CLDND2: variants seen among roughly 807,000 people sequenced by gnomAD.
CLDND2 encodes claudin domain-containing protein 2.
CLDND2 carries 18 observed loss-of-function variants against 17.7 expected under a neutral mutation model. The ratio of observed to expected loss-of-function variants is 1.02; its 90% CI spans 0.70 to 1.51. CLDND2 has a LOEUF of 1.51. Among genes scored for constraint, CLDND2 ranks in the 40% most tolerant of loss-of-function variants. CLDND2 has a pLI of 0.00. For synonymous variants in CLDND2, 113 were observed against 93.0 expected, an observed-to-expected ratio of 1.22 and a Z score of -1.24; for missense variants, 233 against 219.6, an observed-to-expected ratio of 1.06 and a Z score of -0.39.
Position 51,367,987 on chromosome 19 carries a change from A to T in CLDND2, c.209T>A (p.Val70Glu), listed in dbSNP as rs1343062109. 1 of 1,610,214 alleles carries T rather than the reference A, an allele frequency of 6.2e-7. No homozygotes were observed. Among genetic ancestry groups the T allele is most frequent in the African/African-American group, 1.3e-5 (1 of 74,746 alleles). Residue 70 changes from valine (V) to glutamate (E), a missense_variant, in exon 2 of 4, where the codon GTG becomes GAG. Physicochemically the swap from Val to Glu is moderately radical, Grantham distance 121 (BLOSUM62 -2). Coordinates refer to ENST00000291715, the MANE Select transcript of CLDND2 (RefSeq NM_152353.3). This position sits in a 1 kb window ranked among gnomAD's most constrained non-coding sequence, Gnocchi z 7.4. ...CACCATGCCCACCACGCCGACACCC[A>T]CCGCCAGCACCATGCACGCCACAGT... is the stretch of plus-strand genomic sequence containing the variant. ...AVTVACMVLA[V>E]GVGVVGMVMG...
chr19:51,367,582 C>T lies in CLDND2; in HGVS notation c.311-6G>A. ...GGCGGTCAGCAGCAGCAGTCCTGGG[C>T]CCCGCCCAGCCGCAAGATGAGCTAG... On this transcript the variant is annotated splice_polypyrimidine_tract_variant and splice_region_variant and intron_variant, in intron 2 of 3. Coordinates refer to ENST00000291715, the MANE Select transcript of CLDND2 (RefSeq NM_152353.3). The surrounding 1 kb of genome is among the most constrained non-coding windows in gnomAD (Gnocchi z 7.4). The T allele has an allele frequency of 1.2e-6, 2 of 1,609,626 alleles. No individual in the cohort carries two copies. Among genetic ancestry groups the T allele is most frequent in the Non-Finnish European group, 1.7e-6 (2 of 1,178,118 alleles).
rs778195808 is a variant in CLDND2 at position 51,367,475 on chromosome 19, G to A, written c.412C>T (p.Pro138Ser). The change falls in exon 3 of 4, where the codon CCC (proline) becomes TCC (serine). Residue 138 changes from proline to serine, a missense_variant. Pro to Ser is a moderately conservative substitution (Grantham distance 74). Transcript: ENST00000291715. This position sits in a 1 kb window ranked among gnomAD's most constrained non-coding sequence, Gnocchi z 7.4. ...WSYFSGWLAL[P>S]FSILAGFCFL... ...AGTTTACCCGCGAGAATTGAGAAGG[G>A]TAAGGCCAGCCACCCAGAAAAATAG... 1.9e-6 allele frequency: 3 copies of A among 1,602,330 alleles called. No homozygotes were observed. The highest frequency in any genetic ancestry group is 1.7e-5 in the Admixed American group (1 of 58,182).
chr19:51,368,133 C>T, intron 1 of CLDND2, 107 bp from the exon 2 acceptor site: 3 of 1,282,176 alleles, frequency 2.3e-6, no homozygotes, highest in Non-Finnish European at 3.2e-6. Flanking sequence ...GGTGTGTGGC[C>T]AGGAGCCGAG....
In CLDND2 at chr19:51,367,299, G is replaced by C. The variant is rs1208481925; in HGVS notation, c.431-84C>G. 11 of 1,463,868 alleles carry C rather than the reference G, an allele frequency of 7.5e-6. No homozygotes were observed. Among genetic ancestry groups the C allele is most frequent in the Non-Finnish European group, 1.0e-5 (11 of 1,051,538 alleles). 90.7% of individuals were successfully genotyped at this position (1,463,868 alleles called of 1,614,324 possible). A position where few individuals can be genotyped will look rare whatever the true frequency, so the allele number is the denominator to read the frequency against. Reference sequence around the variant, plus strand: ...GGAGGGCCCCGGGGACTGGGGTTTGGGGCTCCAAGGGGGTCTCTGCCGGGT... The same window carrying C: ...GGAGGGCCCCGGGGACTGGGGTTTGCGGCTCCAAGGGGGTCTCTGCCGGGT... On this transcript the variant is annotated intron_variant, in intron 3 of 3. Coordinates refer to ENST00000291715, the MANE Select transcript of CLDND2 (RefSeq NM_152353.3). The surrounding 1 kb of genome is among the most constrained non-coding windows in gnomAD (Gnocchi z 7.4).
chr19:51,366,978 G>A (rs535975106), downstream of CLDND2: 1 of 664,496 alleles, frequency 1.5e-6, no homozygotes, highest in African/African-American at 1.8e-5. Flanking sequence ...GTGTCTCCAT[G>A]TCTGTGTCTC....
chr19:51,368,633 A>C lies in CLDND2; in HGVS notation c.-56T>G. On this transcript the variant is annotated 5_prime_UTR_variant, in exon 1 of 4. Coordinates refer to ENST00000291715, the MANE Select transcript of CLDND2 (RefSeq NM_152353.3). ...GGCAGGATGGGCCCAGGCCTTTCCTACCCCGAGGCCCCCAGCTGAGGAGCC... is the reference window on the plus strand; with the variant it reads ...GGCAGGATGGGCCCAGGCCTTTCCTCCCCCGAGGCCCCCAGCTGAGGAGCC... 6.7e-7 allele frequency: 1 copy of C among 1,502,892 alleles called. No homozygotes were observed. Among genetic ancestry groups the C allele is most frequent in the Non-Finnish European group, 9.0e-7 (1 of 1,108,294 alleles). 93.1% of individuals were successfully genotyped at this position (1,502,892 alleles called of 1,614,324 possible). A position where few individuals can be genotyped will look rare whatever the true frequency, so the allele number is the denominator to read the frequency against.
At position 51,368,704 on chromosome 19, in the gene CLDND2, G is replaced by T; in HGVS notation, c.-127C>A. On this transcript the variant is annotated 5_prime_UTR_variant, in exon 1 of 4. Coordinates refer to ENST00000291715, the MANE Select transcript of CLDND2 (RefSeq NM_152353.3). ...CCTGGTACTCCTGCCTGAGGTCCCTGCTTCTGGGGACCTGGAGACCCCCCT... is the reference window on the plus strand; with the variant it reads ...CCTGGTACTCCTGCCTGAGGTCCCTTCTTCTGGGGACCTGGAGACCCCCCT... 1.2e-6 allele frequency: 1 copy of T among 807,994 alleles called. No individual in the cohort carries two copies. The highest frequency in any genetic ancestry group is 1.9e-6 in the Non-Finnish European group (1 of 529,144). The allele number at this position is 807,994 out of a possible 1,614,324, so 50.1% of individuals were successfully genotyped here. A position where few individuals can be genotyped will look rare whatever the true frequency, so the allele number is the denominator to read the frequency against.
Position 51,367,680 on chromosome 19 carries a change from G to T in CLDND2, c.311-104C>A, listed in dbSNP as rs1292899734. The T allele has an allele frequency of 1.3e-6, 2 of 1,500,622 alleles. No individual in the cohort carries two copies. The highest frequency in any genetic ancestry group is 1.8e-6 in the Non-Finnish European group (2 of 1,124,402). 93.0% of individuals were successfully genotyped at this position (1,500,622 alleles called of 1,614,324 possible). A position where few individuals can be genotyped will look rare whatever the true frequency, so the allele number is the denominator to read the frequency against. On this transcript the variant is annotated intron_variant, in intron 2 of 3. Transcript: ENST00000291715. The surrounding 1 kb of genome is among the most constrained non-coding windows in gnomAD (Gnocchi z 7.4). ...CCCCTTCTATCAGACCACGCCTATC[G>T]CCTCTCAGCCCGCCCCTGGCCCAGG...
downstream of CLDND2, chr19:51,367,074 C>T (rs1986417001): frequency 2.6e-6 from 4 of 1,517,436 alleles, no homozygotes; most frequent in Admixed American, 3.3e-5. This position sits in a 1 kb window ranked among gnomAD's most constrained non-coding sequence, Gnocchi z 7.4. Flanking sequence ...CCACGACCCG[C>T]AGAAAAGCAC....
chr19:51,368,898 A>G lies in CLDND2; in HGVS notation c.-321T>C, dbSNP rs1429573240. ...TCCCCCGACAGCCGAACGCCCTTTC[A>G]GCCCAGCCTGTTCAATGTCCTCCCC... On this transcript the variant is annotated 5_prime_UTR_variant, in exon 1 of 4. Transcript: ENST00000291715. 4.4e-5 allele frequency: 12 copies of G among 274,576 alleles called. No individual in the cohort carries two copies. Among genetic ancestry groups the G allele is most frequent in the Admixed American group, 1.5e-4 (3 of 20,186 alleles). 17.0% of individuals were successfully genotyped at this position (274,576 alleles called of 1,614,324 possible).
In CLDND2 at chr19:51,368,908, G is replaced by T; in HGVS notation, c.-331C>A. ...GCCGAACGCCCTTTCAGCCCAGCCT[G>T]TTCAATGTCCTCCCCAGACACCCCT... On this transcript the variant is annotated 5_prime_UTR_variant, in exon 1 of 4. Transcript: ENST00000291715. The T allele has an allele frequency of 8.0e-6, 2 of 250,728 alleles. No homozygotes were observed. The highest frequency in any genetic ancestry group is 1.6e-5 in the Non-Finnish European group (2 of 128,420). The allele number at this position is 250,728 out of a possible 1,614,324, so 15.5% of individuals were successfully genotyped here.
Position 51,367,911 on chromosome 19 carries a change from G to T in CLDND2, c.285C>A (p.Thr95=). 1.2e-6 allele frequency: 2 copies of T among 1,612,372 alleles called. No homozygotes were observed. The highest frequency in any genetic ancestry group is 1.7e-5 in the Admixed American group (1 of 59,970). ...CGCCGAGGAAGAGGAAGGCGCTCGT[G>T]GTCTGGCCCCGCAGCGACTCGCCCT... ...CDEGESLRGQ[T]TSAFLFLGGL... is the part of the protein sequence containing the mutation. Residue 95 remains threonine (T), a synonymous_variant, in exon 2 of 4, where the codon ACC becomes ACA. Transcript: ENST00000291715. This position sits in a 1 kb window ranked among gnomAD's most constrained non-coding sequence, Gnocchi z 7.4.
chr19:51,368,201 G>A (rs1986512787), intron 1 of CLDND2, 175 bp from the exon 2 acceptor site: 2 of 867,734 alleles, frequency 2.3e-6, no homozygotes, highest in African/African-American at 1.7e-5. Flanking sequence ...ATCAGGACCT[G>A]CGGTTACTGC....
chr19:51,366,891 C>T (rs1244091986), downstream of CLDND2, among the ~76,000 whole-genome samples: 2 of 152,102 alleles, frequency 1.3e-5, no homozygotes, highest in Non-Finnish European at 2.9e-5. Context: ...TCTCCACACC[C>T]TCTCCAAAGG....
Position 51,368,594 on chromosome 19 carries a change from C to T in CLDND2, c.-17G>A. Reference sequence around the variant, plus strand: ...CACCCCCATGCCACTGAGGCTGCAGCCGGGGGCCACAAGGGCAGGATGGGC... The same window carrying T: ...CACCCCCATGCCACTGAGGCTGCAGTCGGGGGCCACAAGGGCAGGATGGGC... On this transcript the variant is annotated 5_prime_UTR_variant, in exon 1 of 4. Transcript: ENST00000291715. 1 of 1,608,354 alleles carries T rather than the reference C, an allele frequency of 6.2e-7. No individual in the cohort carries two copies. The highest frequency in any genetic ancestry group is 2.2e-5 in the East Asian group (1 of 44,742).
At position 51,368,892 on chromosome 19, in the gene CLDND2, C is replaced by G; in HGVS notation, c.-315G>C. ...GAGACCTCCCCCGACAGCCGAACGC[C>G]CTTTCAGCCCAGCCTGTTCAATGTC... is the stretch of plus-strand genomic sequence containing the variant. On this transcript the variant is annotated 5_prime_UTR_variant, in exon 1 of 4. Coordinates refer to ENST00000291715, the MANE Select transcript of CLDND2 (RefSeq NM_152353.3). 1 of 290,446 alleles carries G rather than the reference C, an allele frequency of 3.4e-6. No homozygotes were observed. Among genetic ancestry groups the G allele is most frequent in the Admixed American group, 4.8e-5 (1 of 20,690 alleles). 18.0% of individuals were successfully genotyped at this position (290,446 alleles called of 1,614,324 possible). A position where few individuals can be genotyped will look rare whatever the true frequency, so the allele number is the denominator to read the frequency against.
chr19:51,367,318 G>T lies in CLDND2; in HGVS notation c.431-103C>A. 2 of 1,410,864 alleles carry T rather than the reference G, an allele frequency of 1.4e-6. No homozygotes were observed. The highest frequency in any genetic ancestry group is 2.0e-6 in the Non-Finnish European group (2 of 1,009,408). The allele number at this position is 1,410,864 out of a possible 1,614,324, so 87.4% of individuals were successfully genotyped here. On this transcript the variant is annotated intron_variant, in intron 3 of 3. Transcript: ENST00000291715. This position sits in a 1 kb window ranked among gnomAD's most constrained non-coding sequence, Gnocchi z 7.4. ...GGTTTGGGGCTCCAAGGGGGTCTCT[G>T]CCGGGTCTGCGGGAGTCGTTAGTGT...
chr19:51,368,489 T>C lies in CLDND2; in HGVS notation c.89A>G (p.Tyr30Cys). 1 of 1,614,028 alleles carries C rather than the reference T, an allele frequency of 6.2e-7. No homozygotes were observed. Among genetic ancestry groups the C allele is most frequent in the Non-Finnish European group, 8.5e-7 (1 of 1,179,988 alleles). ...VLMVLSTATN[Y>C]WTRQQEGHSG... The stretch of plus-strand genomic sequence containing the variant: ...GTGGCCCTCTTGTTGGCGGGTCCAG[T>C]AGTTGGTGGCCGTGGAGAGCACCAT... Residue 30 changes from tyrosine to cysteine, a missense_variant, in exon 1 of 4, where the codon TAC becomes TGC. Physicochemically the swap from Tyr to Cys is radical, Grantham distance 194. Transcript: ENST00000291715.
rs1191550743 is a variant in CLDND2 at position 51,367,121 on chromosome 19, TCTGCCCCAGGCAGGCTG to T, written c.*4_*20del. Reference sequence around the variant, plus strand: ...GCGCTAAAAAAAGCCGTTCCTTTATTCTGCCCCAGGCAGGCTGCAGTCACAGACACACGGGGAATCCA... The same window carrying T: ...GCGCTAAAAAAAGCCGTTCCTTTATTCAGTCACAGACACACGGGGAATCCA... On this transcript the variant is annotated 3_prime_UTR_variant, in exon 4 of 4. Transcript: ENST00000291715. This position sits in a 1 kb window ranked among gnomAD's most constrained non-coding sequence, Gnocchi z 7.4. 2 of 1,613,460 alleles carry T rather than the reference TCTGCCCCAGGCAGGCTG, an allele frequency of 1.2e-6. No individual in the cohort carries two copies. The highest frequency in any genetic ancestry group is 1.7e-6 in the Non-Finnish European group (2 of 1,179,382).
Sources: gnomAD v4.1 joint callset for allele counts (sites outside exome capture counted in the v4.1 genomes callset) on GRCh38, gnomAD v4.1.1 for gene constraint, Gnocchi (gnomAD v3.1) non-coding constraint, MANE v1.5 for transcripts, NCBI Gene and HGNC (gene_info 2026-07-23, HGNC 2026-07-21) for gene names.